Variants in CCDC73 observed in about 807,000 individuals in gnomAD.
CCDC73 encodes coiled-coil domain-containing protein 73.
A neutral mutation model predicts 116.5 loss-of-function variants in CCDC73; 95 were observed. That is an observed-to-expected ratio of 0.82 (90% CI 0.69 to 0.97). The LOEUF is 0.97. Among genes scored for constraint, CCDC73 ranks in the 50% least tolerant of loss-of-function variants. CCDC73 has a pLI of 0.00. For missense variants in CCDC73, 1,066 were observed against 1,206.8 expected, an observed-to-expected ratio of 0.88 and a Z score of 1.73; for synonymous variants, 398 against 401.3, an observed-to-expected ratio of 0.99 and a Z score of 0.10.
At position 32,691,787 on chromosome 11, in the gene CCDC73, G is replaced by A. The variant is rs149795764; in HGVS notation, c.390+7464C>T. ...AAGTCAGCCGGGCACAGTGGCTCACGCCTGTAATCCTAGCACTTTGGGAGG... is the reference window on the plus strand; with the variant it reads ...AAGTCAGCCGGGCACAGTGGCTCACACCTGTAATCCTAGCACTTTGGGAGG... On this transcript the variant is annotated intron_variant, in intron 6 of 17. Transcript: ENST00000335185. Among the ~76,000 whole-genome samples the A allele has an allele frequency of 3.6e-3, 547 of 152,142 alleles. 2 individuals are homozygous for A. Among genetic ancestry groups the A allele is most frequent in the South Asian group, 0.012 (56 of 4,820 alleles).
intron 1 of CCDC73, among the ~76,000 whole-genome samples, chr11:32,762,591 G>A (rs984522001): frequency 1.7e-4 from 26 of 151,974 alleles, no homozygotes; most frequent in African/African-American, 4.3e-4. Context: ...CAAATAAAGC[G>A]TAAAGGAAAA....
intron 2 of CCDC73, among the ~76,000 whole-genome samples, chr11:32,729,727 C>T (rs571746410): frequency 3.3e-4 from 50 of 152,296 alleles, no homozygotes; most frequent in African/African-American, 1.1e-3. Flanking sequence ...TTCTAACTGG[C>T]ATGAGGTATC....
chr11:32,719,000 C>T (rs921728044), intron 2 of CCDC73, among the ~76,000 whole-genome samples: 5 of 152,078 alleles, frequency 3.3e-5, no homozygotes, highest in African/African-American at 1.2e-4. Context: ...CTATCTTCCA[C>T]CACCACCACC....
At chr11:32,810,166 G>A in the CCDC73 span, among the ~76,000 whole-genome samples, 7 of 152,196 alleles carry the variant, frequency 4.6e-5, no homozygotes, top group African/African-American at 1.7e-4. Flanking sequence ...CAGTTGGTTG[G>A]ATCTGTTACA....
At position 32,782,809 on chromosome 11, in the gene CCDC73, T is replaced by C. The variant is rs181057013; in HGVS notation, c.-16+11804A>G. Among the ~76,000 whole-genome samples the C allele has an allele frequency of 8.2e-4, 124 of 152,076 alleles. 2 individuals carry two copies. The East Asian group carries it at 0.015, about 19-fold the overall frequency. On this transcript the variant is annotated intron_variant, in intron 1 of 17. Coordinates refer to ENST00000335185, the MANE Select transcript of CCDC73 (RefSeq NM_001008391.4). ...AGATGCTTCACAGAAACAGTTCTTA[T>C]AAAAATTAAGATAGTGGAAATGAAA...
rs759022486 is a variant in CCDC73, at chr11:32,611,216, G to T, written c.2946C>A (p.Ile982=). The T allele has an allele frequency of 2.8e-5, 45 of 1,612,662 alleles. No individual in the cohort carries two copies. The Admixed American group carries it at 7.0e-4, about 25-fold the overall frequency. The change falls in exon 17 of 18, where the codon ATC becomes ATA. Residue 982 remains isoleucine, a synonymous_variant. Transcript: ENST00000335185. ...RVADTLNNWS[I]HPDPKGEPSE... ...TGGGTTCTCCCTTGGGATCTGGATGGATACTCCAGTTATTCAAAGTGTCAG... is the reference window on the plus strand; with the variant it reads ...TGGGTTCTCCCTTGGGATCTGGATGTATACTCCAGTTATTCAAAGTGTCAG...
intron 14 of CCDC73, among the ~76,000 whole-genome samples, chr11:32,635,399 G>C (rs1407920844): frequency 6.6e-6 from 1 of 152,084 alleles, no homozygotes; most frequent in Non-Finnish European, 1.5e-5. Flanking sequence ...TCCAGAAATA[G>C]ACCCATATAT....
At chr11:32,651,467 C>T (rs1332504043) in intron 12 of CCDC73, among the ~76,000 whole-genome samples, 1 of 152,134 alleles carries the variant, frequency 6.6e-6, no homozygotes, top group African/African-American at 2.4e-5. Flanking sequence ...CCAAATGTGA[C>T]CCAGTCAAAC....
At chr11:32,747,219 C>A (rs4980791) in intron 2 of CCDC73, among the ~76,000 whole-genome samples, 41,180 of 152,014 alleles carry the variant, frequency 0.27, 6,454 homozygotes, top group East Asian at 0.79. Context: ...TGCTGGAGGT[C>A]CACTCCAGAC....
At chr11:32,760,580 C>G (rs780451314) in intron 1 of CCDC73, among the ~76,000 whole-genome samples, 3 of 152,228 alleles carry the variant, frequency 2.0e-5, no homozygotes, top group Non-Finnish European at 2.9e-5. Context: ...CTGGGATACA[C>G]ATTCTGCTTC....
At chr11:32,603,079 C>A in intron 17 of CCDC73, 59 bp from the exon 18 acceptor site, 1 of 1,370,340 alleles carries the variant, frequency 7.3e-7, no homozygotes, top group Non-Finnish European at 1.0e-6. Context: ...TTTAAAGAGT[C>A]TGTAAAGCCT....
intron 17 of CCDC73, among the ~76,000 whole-genome samples, chr11:32,609,924 T>C (rs1435634228): frequency 6.6e-6 from 1 of 150,574 alleles, no homozygotes; most frequent in Admixed American, 6.6e-5. Flanking sequence ...GGACTACAGG[T>C]GCCTGTCACC....
rs185405603 is a variant in CCDC73 at position 32,662,464 on chromosome 11, T to C, written c.646-7492A>G. Among the ~76,000 whole-genome samples the C allele has an allele frequency of 3.5e-3, 537 of 152,344 alleles. 6 individuals carry two copies. The highest frequency in any genetic ancestry group is 0.012 in the African/African-American group (518 of 41,580). ...TGATGAGCATTTTTTCATGTGTCTG[T>C]TAGCTGCATAAATGTCTTCTTTTGA... On this transcript the variant is annotated intron_variant, in intron 9 of 17. Transcript: ENST00000335185.
At chr11:32,826,278 T>C in the CCDC73 span, among the ~76,000 whole-genome samples, 11 of 152,274 alleles carry the variant, frequency 7.2e-5, no homozygotes, top group African/African-American at 2.4e-4. Flanking sequence ...ACAATTGATG[T>C]TGAAATGTCA....
intron 2 of CCDC73, among the ~76,000 whole-genome samples, chr11:32,734,291 C>T (rs1408041210): frequency 6.6e-6 from 1 of 152,000 alleles, no homozygotes; most frequent in Non-Finnish European, 1.5e-5. Context: ...AGCTCACCAA[C>T]CAAAAAAAGT....
At chr11:32,827,808 C>G in the CCDC73 span, among the ~76,000 whole-genome samples, 1,067 of 152,304 alleles carry the variant, frequency 7.0e-3, 11 homozygotes, top group African/African-American at 0.024. Flanking sequence ...AAGTTCTCCT[C>G]CACAACAGAA....
chr11:32,804,738 A>T, the CCDC73 span, among the ~76,000 whole-genome samples: 3 of 152,268 alleles, frequency 2.0e-5, no homozygotes, highest in South Asian at 6.2e-4. Context: ...TAATGTAAAA[A>T]CAAACAAACA....
intron 2 of CCDC73, among the ~76,000 whole-genome samples, chr11:32,731,160 G>A (rs557527303): frequency 4.1e-4 from 63 of 152,312 alleles, no homozygotes; most frequent in Middle Eastern, 6.8e-3. Flanking sequence ...CCACACCCAC[G>A]GAGCTTGGCT....
intron 9 of CCDC73, 141 bp from the exon 10 acceptor site, chr11:32,655,113 T>G: frequency 8.0e-5 from 53 of 661,130 alleles, no homozygotes; most frequent in Middle Eastern, 4.0e-4. Flanking sequence ...CTTGCAAGAT[T>G]AGCCAAGGTG....
Sources: allele counts gnomAD v4.1 joint callset (sites outside exome capture counted in the v4.1 genomes callset), GRCh38; gene constraint gnomAD v4.1.1; transcripts MANE v1.5; gene names NCBI Gene and HGNC (gene_info 2026-07-23, HGNC 2026-07-21).